ARHGAP29: variants seen among roughly 807,000 people sequenced by gnomAD.
The protein encoded by ARHGAP29 is Rho GTPase activating protein 29.
ARHGAP29 carries 43 observed loss-of-function variants against 122.6 expected under a neutral mutation model. The observed-to-expected ratio is 0.35, with a 90% CI of 0.27 to 0.45. ARHGAP29 has a LOEUF of 0.45. ARHGAP29 is among the 20% of genes least tolerant of loss of function. The pLI is 1.00. For missense variants in ARHGAP29, 1,303 were observed against 1,477.2 expected (o/e 0.88, Z 1.93); for synonymous variants, 506 against 497.1 (o/e 1.02, Z -0.24).
the ARHGAP29 span, among the ~76,000 whole-genome samples, chr1:94,311,437 G>A: frequency 6.6e-6 from 1 of 152,064 alleles, no homozygotes; most frequent in African/African-American, 2.4e-5. Flanking sequence ...GCCCTCGACT[G>A]CACCTCTGCA....
intron 1 of ARHGAP29, among the ~76,000 whole-genome samples, chr1:94,263,267 G>A (rs1270345623): frequency 6.6e-6 from 1 of 151,994 alleles, no homozygotes; most frequent in African/African-American, 2.4e-5. Flanking sequence ...AGAGGAGGGA[G>A]AAGATCAGGA....
chr1:94,312,730 G>T, the ARHGAP29 span, among the ~76,000 whole-genome samples: 1 of 151,962 alleles, frequency 6.6e-6, no homozygotes, highest in Non-Finnish European at 1.5e-5. Flanking sequence ...CCACACCCTG[G>T]TCCTGCCTGG....
At chr1:94,234,253 T>C (rs1653113297) in intron 1 of ARHGAP29, among the ~76,000 whole-genome samples, 1 of 152,232 alleles carries the variant, frequency 6.6e-6, no homozygotes, top group Non-Finnish European at 1.5e-5. Flanking sequence ...GCTTGGCGTA[T>C]GAGGAATGAA....
chr1:94,250,918 G>A (rs1386059712), intron 1 of ARHGAP29, among the ~76,000 whole-genome samples: 1 of 152,062 alleles, frequency 6.6e-6, no homozygotes, highest in African/African-American at 2.4e-5. Context: ...TTAGTAATAT[G>A]TATAAGGTAA....
chr1:94,235,960 GC>G lies in ARHGAP29; in HGVS notation c.-33+1454del, dbSNP rs1218981331. Among the ~76,000 whole-genome samples the G allele has an allele frequency of 4.6e-5, 7 of 152,242 alleles. No individual in the cohort carries two copies. The East Asian group carries it at 1.4e-3, about 29-fold the overall frequency. On this transcript the variant is annotated intron_variant, in intron 1 of 22. Coordinates refer to ENST00000260526, the MANE Select transcript of ARHGAP29 (RefSeq NM_004815.4). ...GGCTCTCTAATTGAAGTGTAAAACTGCCCCCAAACATCTATACTTACTATTT... is the reference window on the plus strand; with the variant it reads ...GGCTCTCTAATTGAAGTGTAAAACTGCCCCAAACATCTATACTTACTATTT...
At position 94,202,836 on chromosome 1, in the gene ARHGAP29, G is replaced by A. The variant is rs1049134592; in HGVS notation, c.954+82C>T. 7 of 1,536,486 alleles carry A rather than the reference G, an allele frequency of 4.6e-6. No individual in the cohort carries two copies. The Admixed American group carries it at 1.4e-4, about 31-fold the overall frequency. On this transcript the variant is annotated intron_variant, in intron 10 of 22. Transcript: ENST00000260526. ...AGTTAAGACAATATTTTAGAAAAAT[G>A]AGAGCAAGGAAGGTCAGTATATACT... is the stretch of plus-strand genomic sequence containing the variant.
At chr1:94,291,400 T>C in the ARHGAP29 span, among the ~76,000 whole-genome samples, 8 of 152,252 alleles carry the variant, frequency 5.3e-5, no homozygotes, top group African/African-American at 1.9e-4. Context: ...CTTTACTCTT[T>C]ATCCAATTTG....
At chr1:94,281,837 A>G in the ARHGAP29 span, among the ~76,000 whole-genome samples, 1,498 of 152,036 alleles carry the variant, frequency 9.9e-3, 23 homozygotes, top group African/African-American at 0.033. Flanking sequence ...GCTGGGGAAT[A>G]TTTTTTTCCC....
chr1:94,256,150 C>A (rs1257531640), intron 1 of ARHGAP29, among the ~76,000 whole-genome samples: 1 of 152,188 alleles, frequency 6.6e-6, no homozygotes, highest in Non-Finnish European at 1.5e-5. Flanking sequence ...GAACTCAAAG[C>A]AAGGTCACCT....
chr1:94,311,927 G>A, the ARHGAP29 span, among the ~76,000 whole-genome samples: 4 of 152,076 alleles, frequency 2.6e-5, no homozygotes, highest in South Asian at 2.1e-4. Context: ...CTCTTCTTCC[G>A]CCATGCAATG....
intron 1 of ARHGAP29, among the ~76,000 whole-genome samples, chr1:94,232,680 A>G (rs1653000065): frequency 6.6e-6 from 1 of 152,180 alleles, no homozygotes; most frequent in South Asian, 2.1e-4. Context: ...AACACCTAAT[A>G]CTGGCACATA....
chr1:94,204,186 T>C (rs951560441), intron 7 of ARHGAP29, among the ~76,000 whole-genome samples, 192 bp from the exon 8 acceptor site: 12 of 151,834 alleles, frequency 7.9e-5, no homozygotes, highest in Non-Finnish European at 1.6e-4. Flanking sequence ...CTCACTACGT[T>C]GCCGAGGCTG....
chr1:94,187,943 A>G (rs1253461751), intron 15 of ARHGAP29, among the ~76,000 whole-genome samples: 1 of 152,150 alleles, frequency 6.6e-6, no homozygotes, highest in East Asian at 1.9e-4. Flanking sequence ...ATTTAAATAT[A>G]AGAGATTTAT....
intron 1 of ARHGAP29, chr1:94,250,312 C>A (rs937452828): frequency 6.6e-6 from 1 of 152,202 alleles, no homozygotes; most frequent in African/African-American, 2.4e-5. Context: ...TCACTGAATA[C>A]CTCTAATGTG....
chr1:94,290,223 A>G, the ARHGAP29 span, among the ~76,000 whole-genome samples: 1 of 151,388 alleles, frequency 6.6e-6, no homozygotes, highest in Non-Finnish European at 1.5e-5. Flanking sequence ...TCTATTCATC[A>G]GTTATTCTCT....
At chr1:94,292,765 G>C in the ARHGAP29 span, among the ~76,000 whole-genome samples, 1 of 152,174 alleles carries the variant, frequency 6.6e-6, no homozygotes, top group Admixed American at 6.5e-5. Flanking sequence ...GACCGTGTTT[G>C]CCTGGGTATC....
intron 3 of ARHGAP29, 83 bp downstream of exon 3, chr1:94,220,175 G>C: frequency 7.0e-7 from 1 of 1,423,320 alleles, no homozygotes. Context: ...GAGAGGAATT[G>C]GCTATATATT....
intron 12 of ARHGAP29, among the ~76,000 whole-genome samples, chr1:94,197,996 A>G (rs755967116): frequency 4.6e-5 from 7 of 152,182 alleles, no homozygotes; most frequent in Non-Finnish European, 7.3e-5. Flanking sequence ...AGTTAGGACA[A>G]TAAGAAAAAG....
the ARHGAP29 span, among the ~76,000 whole-genome samples, chr1:94,288,783 G>A: frequency 6.6e-6 from 1 of 152,096 alleles, no homozygotes; most frequent in South Asian, 2.1e-4. Context: ...GTTTTTGTCA[G>A]GTTTGTCAAA....
Sources: gnomAD v4.1 joint callset for allele counts (sites outside exome capture counted in the v4.1 genomes callset) on GRCh38, gnomAD v4.1.1 for gene constraint, MANE v1.5 for transcripts, NCBI Gene and HGNC (gene_info 2026-07-23, HGNC 2026-07-21) for gene names.